DPP10: variants seen among roughly 807,000 people sequenced by gnomAD.
DPP10 encodes dipeptidyl peptidase like 10.
In DPP10, 33 loss-of-function variants were observed where a neutral mutation model predicts 120.9. The observed-to-expected ratio is 0.27, with a 90% CI of 0.21 to 0.37. The LOEUF is 0.37. Among genes scored for constraint, DPP10 ranks in the 10% least tolerant of loss-of-function variants. The probability of loss-of-function intolerance (pLI) is 1.00; values close to 1 mark genes in which losing one functional copy is unlikely to be tolerated. For synonymous variants in DPP10, 337 were observed against 326.1 expected (o/e 1.03, Z -0.36); for missense variants, 816 against 942.8 (o/e 0.87, Z 1.76).
At chr2:115,834,021 C>A (rs994666206) in intron 21 of DPP10, among the ~76,000 whole-genome samples, 1 of 152,148 alleles carries the variant, frequency 6.6e-6, no homozygotes, top group Non-Finnish European at 1.5e-5. Flanking sequence ...AAGACTGTCT[C>A]TCTCAATGAG....
intron 3 of DPP10, among the ~76,000 whole-genome samples, chr2:115,409,652 C>A (rs1429513310): frequency 1.3e-5 from 2 of 152,154 alleles, no homozygotes; most frequent in African/African-American, 2.4e-5. Flanking sequence ...CCAGCAATCC[C>A]ACTATTGCAT....
At chr2:115,705,994 G>A (rs1327867757) in intron 7 of DPP10, among the ~76,000 whole-genome samples, 2 of 151,282 alleles carry the variant, frequency 1.3e-5, no homozygotes, top group East Asian at 1.9e-4. Context: ...TAATGGGGGG[G>A]AAAAAAACAG....
chr2:114,975,895 C>T (rs1168444828), intron 1 of DPP10, among the ~76,000 whole-genome samples: 1 of 152,152 alleles, frequency 6.6e-6, no homozygotes, highest in Non-Finnish European at 1.5e-5. Flanking sequence ...AAGTGGTCCA[C>T]CCACCTTGGC....
intron 1 of DPP10, among the ~76,000 whole-genome samples, chr2:115,167,777 C>G (rs908662835): frequency 6.6e-6 from 1 of 152,106 alleles, no homozygotes; most frequent in Admixed American, 6.5e-5. Flanking sequence ...CCTATTTTGG[C>G]AGGCATCCAG....
At chr2:114,995,534 G>A (rs138943570) in intron 1 of DPP10, among the ~76,000 whole-genome samples, 18 of 152,276 alleles carry the variant, frequency 1.2e-4, no homozygotes, top group Non-Finnish European at 2.5e-4. Flanking sequence ...AACCTCTTTA[G>A]AGTAATCAAC....
intron 19 of DPP10, among the ~76,000 whole-genome samples, chr2:115,792,442 A>G (rs1684088789): frequency 1.3e-5 from 2 of 152,086 alleles, no homozygotes; most frequent in South Asian, 4.1e-4. Context: ...ACCACATAAT[A>G]CAGAAATAAT....
At position 114,874,722 on chromosome 2, in the gene DPP10, T is replaced by C. The variant is rs548331429; in HGVS notation, c.60+431884T>C. Among the ~76,000 whole-genome samples, 90 of 152,252 alleles carry C rather than the reference T, an allele frequency of 5.9e-4. 1 individual carries two copies. The Middle Eastern group carries it at 0.024, about 40-fold the overall frequency. ...CCCTGGTCCATGGAAAAAGTTGTCT[T>C]CCATGAAACCAGTCCCTGGTGCCAA... On this transcript the variant is annotated intron_variant, in intron 1 of 25. Coordinates refer to ENST00000410059, the MANE Select transcript of DPP10 (RefSeq NM_020868.6).
rs894439943 is a variant in DPP10 at position 115,415,788 on chromosome 2, G to A, written c.271+71876G>A. Reference sequence around the variant, plus strand: ...CTACGATTCTTGGCTTTATATCAGTGGAAAAATAAATCAGATTATGTAGAT... The same window carrying A: ...CTACGATTCTTGGCTTTATATCAGTAGAAAAATAAATCAGATTATGTAGAT... On this transcript the variant is annotated intron_variant, in intron 3 of 25. Coordinates refer to ENST00000410059, the MANE Select transcript of DPP10 (RefSeq NM_020868.6). Among the ~76,000 whole-genome samples, 8 of 137,006 alleles carry A rather than the reference G, an allele frequency of 5.8e-5. No homozygotes were observed. The East Asian group carries it at 1.3e-3, about 22-fold the overall frequency. 89.9% of individuals were successfully genotyped at this position (137,006 alleles called of 152,430 possible).
chr2:114,815,215 G>A (rs548698498), intron 1 of DPP10, among the ~76,000 whole-genome samples: 4 of 152,248 alleles, frequency 2.6e-5, no homozygotes, highest in Middle Eastern at 3.4e-3. Flanking sequence ...TTGCATACAG[G>A]TCAGAGTCAA....
intron 24 of DPP10, among the ~76,000 whole-genome samples, chr2:115,838,225 AAGAG>A (rs1461199517): frequency 6.6e-6 from 1 of 152,164 alleles, no homozygotes; most frequent in African/African-American, 2.4e-5. Context: ...AACATGATGA[AAGAG>A]AGCGTAAAAA....
chr2:115,488,258 A>G (rs2075878797), intron 3 of DPP10, among the ~76,000 whole-genome samples: 1 of 38,992 alleles, frequency 2.6e-5, no homozygotes. Flanking sequence ...GCGGAGAAAT[A>G]GGAACACTTT....
intron 3 of DPP10, among the ~76,000 whole-genome samples, chr2:115,498,353 G>A (rs2076511658): frequency 6.6e-6 from 1 of 152,076 alleles, no homozygotes; most frequent in South Asian, 2.1e-4. Flanking sequence ...AATGAGAGAA[G>A]GGGTCAGAAA....
intron 1 of DPP10, among the ~76,000 whole-genome samples, chr2:115,075,347 T>G (rs892718611): frequency 1.3e-5 from 2 of 152,192 alleles, no homozygotes; most frequent in Non-Finnish European, 1.5e-5. Flanking sequence ...ACAATCAGTA[T>G]GTAAAGGTAC....
chr2:115,427,324 G>A (rs2104740550), intron 3 of DPP10, among the ~76,000 whole-genome samples: 1 of 152,356 alleles, frequency 6.6e-6, no homozygotes, highest in South Asian at 2.1e-4. Context: ...CCCTGGTAGA[G>A]TTTCTCTGTG....
intron 13 of DPP10, among the ~76,000 whole-genome samples, chr2:115,774,933 T>G (rs1177255459): frequency 6.6e-6 from 1 of 152,104 alleles, no homozygotes; most frequent in Non-Finnish European, 1.5e-5. Flanking sequence ...AAAGCATTAC[T>G]CAGCTGACAG....
chr2:114,459,930 T>A (rs1678785100), intron 1 of DPP10, among the ~76,000 whole-genome samples: 1 of 152,182 alleles, frequency 6.6e-6, no homozygotes, highest in Non-Finnish European at 1.5e-5. Flanking sequence ...TGGTGACAGG[T>A]TATTCCTTGG....
chr2:114,657,343 T>C (rs1697042699), intron 1 of DPP10, among the ~76,000 whole-genome samples: 2 of 152,182 alleles, frequency 1.3e-5, no homozygotes. Context: ...ATCTTCCCCA[T>C]TATGTTTCAA....
chr2:115,336,699 G>A (rs2106214236), intron 2 of DPP10, among the ~76,000 whole-genome samples: 1 of 151,712 alleles, frequency 6.6e-6, no homozygotes, highest in South Asian at 2.1e-4. Context: ...TATGAGAGGT[G>A]AATATTAAAT....
intron 1 of DPP10, among the ~76,000 whole-genome samples, chr2:114,819,521 G>T (rs374683031): frequency 6.6e-6 from 1 of 152,258 alleles, no homozygotes; most frequent in East Asian, 1.9e-4. Context: ...CAGTTACAAA[G>T]AAATATTTGA....
Sources: gnomAD v4.1 joint callset for allele counts (sites outside exome capture counted in the v4.1 genomes callset) on GRCh38, gnomAD v4.1.1 for gene constraint, MANE v1.5 for transcripts, NCBI Gene and HGNC (gene_info 2026-07-23, HGNC 2026-07-21) for gene names.